NRBP1: variants seen among roughly 807,000 people sequenced by gnomAD.
The protein encoded by NRBP1 is nuclear receptor-binding protein.
In NRBP1, 10 loss-of-function variants were observed where a neutral mutation model predicts 76.0. The ratio of observed to expected loss-of-function variants is 0.13; its 90% CI spans 0.08 to 0.22. NRBP1 has a LOEUF of 0.22. Ranked by LOEUF, NRBP1 falls within the 10% of genes least tolerant of loss-of-function variation. The pLI, the probability that NRBP1 is intolerant of heterozygous loss-of-function variation, is 1.00. For missense variants in NRBP1, 344 were observed against 646.0 expected, an observed-to-expected ratio of 0.53 and a Z score of 5.07; for synonymous variants, 235 against 240.2, an observed-to-expected ratio of 0.98 and a Z score of 0.20.
chr2:27,441,096 T>G (rs760805226), intron 14 of NRBP1, 31 bp from the exon 15 acceptor site: 1 of 1,612,224 alleles, frequency 6.2e-7, no homozygotes. Flanking sequence ...TATGGACAGG[T>G]CTCTAGAGTG....
Position 27,439,777 on chromosome 2 carries a change from A to T in NRBP1, c.915A>T (p.Gln305His). ...GTTTCCTTTTCTAGGAGTTCATTCA[A>T]AAGTGCCTGCAGTCTGAGCCTGCTC... ...LEDPLQREFI[Q>H]KCLQSEPARR... is the part of the protein sequence containing the mutation. The change falls in exon 11 of 18, where the codon CAA (glutamine) becomes CAT (histidine). Residue 305 changes from glutamine (Q) to histidine (H), a missense_variant. This residue lies in a region of NRBP1 where 218 missense variants were observed against 309.8 expected (regional missense o/e 0.70). Transcript: ENST00000379852. The T allele has an allele frequency of 6.2e-7, 1 of 1,614,044 alleles. No individual in the cohort carries two copies.
Position 27,435,219 on chromosome 2 carries a change from T to C in NRBP1, c.653T>C (p.Ile218Thr). The change falls in exon 7 of 18, where the codon ATT becomes ACT. Residue 218 changes from isoleucine to threonine, a missense_variant. This residue lies in a region of NRBP1 where 73 missense variants were observed against 287.8 expected (regional missense o/e 0.25). Coordinates refer to ENST00000379852, the MANE Select transcript of NRBP1 (RefSeq NM_013392.4). The stretch of plus-strand genomic sequence containing the variant: ...ATCCAGCACAACGGACTCATCAAGA[T>C]TGGCTCTGGTGAGGGGAGGGAGAGG... ...IFIQHNGLIK[I>T]GSVAPDTINN... is the part of the protein sequence containing the mutation. 6.2e-7 allele frequency: 1 copy of C among 1,613,754 alleles called. No individual in the cohort carries two copies. The highest frequency in any genetic ancestry group is 8.5e-7 in the Non-Finnish European group (1 of 1,179,846).
chr2:27,436,987 T>TTCC, intron 8 of NRBP1, 60 bp from the exon 9 acceptor site: 1 of 1,516,720 alleles, frequency 6.6e-7, no homozygotes. Flanking sequence ...TCCTAAGGCA[T>TTCC]TCCTGCCAAC....
chr2:27,433,001 T>C lies in NRBP1; in HGVS notation c.-20-253T>C, dbSNP rs113041576. Among the ~76,000 whole-genome samples the C allele has an allele frequency of 1.6e-3, 247 of 152,276 alleles. 4 individuals are homozygous for C. The highest frequency in any genetic ancestry group is 5.6e-3 in the African/African-American group (232 of 41,556). ...TCAAAAAAATTCTCCTGCCTTAGTC[T>C]CCTGAGTAGCTAGGACTACAGGCAC... is the stretch of plus-strand genomic sequence containing the variant. On this transcript the variant is annotated intron_variant, in intron 1 of 17. Transcript: ENST00000379852.
chr2:27,437,500 C>T (rs1360547872), intron 10 of NRBP1, 140 bp downstream of exon 10: 3 of 658,278 alleles, frequency 4.6e-6, no homozygotes, highest in Non-Finnish European at 8.1e-6. Context: ...TAAACATTTT[C>T]TTAGGAGGTG....
At position 27,436,536 on chromosome 2, in the gene NRBP1, G is replaced by A. The variant is rs989367325; in HGVS notation, c.662-217G>A. 2.0e-5 allele frequency: 11 copies of A among 545,396 alleles called. No homozygotes were observed. The South Asian group carries it at 2.4e-4, about 12-fold the overall frequency. 33.8% of individuals were successfully genotyped at this position (545,396 alleles called of 1,614,324 possible). On this transcript the variant is annotated intron_variant, in intron 7 of 17. Coordinates refer to ENST00000379852, the MANE Select transcript of NRBP1 (RefSeq NM_013392.4). ...GGTGCTTTTGTTGCTCCTGATTTAG[G>A]GACATTAGATGAGAAGCAGTAGGCC...
rs1664209623 is a variant in NRBP1 at position 27,433,975 on chromosome 2, T to A, written c.334-14T>A. Reference sequence around the variant, plus strand: ...TTTGTGACTCTGTTATTCCACTGTCTCCCTTGCTTTCAGGAAAAGGTTCGT... The same window carrying A: ...TTTGTGACTCTGTTATTCCACTGTCACCCTTGCTTTCAGGAAAAGGTTCGT... On this transcript the variant is annotated splice_polypyrimidine_tract_variant and intron_variant, in intron 3 of 17. Coordinates refer to ENST00000379852, the MANE Select transcript of NRBP1 (RefSeq NM_013392.4). 6.2e-7 allele frequency: 1 copy of A among 1,610,716 alleles called. No homozygotes were observed. The highest frequency in any genetic ancestry group is 8.5e-7 in the Non-Finnish European group (1 of 1,177,188).
Position 27,441,241 on chromosome 2 carries a change from C to T in NRBP1, c.1384-26C>T, listed in dbSNP as rs776947094. 2.5e-6 allele frequency: 4 copies of T among 1,613,678 alleles called. No individual in the cohort carries two copies. In the East Asian group the frequency reaches 8.9e-5, roughly 36 times the overall value. ...GCCAGAGGGTAGGGAAGAAAAGTCT[C>T]ATTTTCTGACTGTCCTATTCTCCAG... On this transcript the variant is annotated intron_variant, in intron 15 of 17. Coordinates refer to ENST00000379852, the MANE Select transcript of NRBP1 (RefSeq NM_013392.4).
chr2:27,427,877 C>T (rs1162676331), upstream of NRBP1: 1 of 152,200 alleles, frequency 6.6e-6, no homozygotes, highest in Non-Finnish European at 1.5e-5. Flanking sequence ...AAGAATTTAT[C>T]ATCTTTTCTT....
Position 27,441,958 on chromosome 2 carries a change from C to G in NRBP1, c.*146C>G. 5 of 629,228 alleles carry G rather than the reference C, an allele frequency of 7.9e-6. No homozygotes were observed. Among genetic ancestry groups the G allele is most frequent in the Non-Finnish European group, 8.5e-6 (3 of 353,570 alleles). The allele number at this position is 629,228 out of a possible 1,614,324, so 39.0% of individuals were successfully genotyped here. A position where few individuals can be genotyped will look rare whatever the true frequency, so the allele number is the denominator to read the frequency against. On this transcript the variant is annotated 3_prime_UTR_variant, in exon 18 of 18. Transcript: ENST00000379852. ...GGAGGGCTGGGGGGGCTCCCTGGTT[C>G]TGAGCATCATCCTTTCCCCTCCCCT...
At chr2:27,431,141 A>T (rs1664097417) in intron 1 of NRBP1, among the ~76,000 whole-genome samples, 1 of 152,158 alleles carries the variant, frequency 6.6e-6, no homozygotes, top group Non-Finnish European at 1.5e-5. Context: ...TCTACTAAAA[A>T]TACAAAAAAT....
chr2:27,441,969 C>T lies in NRBP1; in HGVS notation c.*157C>T, dbSNP rs887126792. Reference sequence around the variant, plus strand: ...GGGGCTCCCTGGTTCTGAGCATCATCCTTTCCCCTCCCCTCTCTTCCTCCC... The same window carrying T: ...GGGGCTCCCTGGTTCTGAGCATCATTCTTTCCCCTCCCCTCTCTTCCTCCC... On this transcript the variant is annotated 3_prime_UTR_variant, in exon 18 of 18. Transcript: ENST00000379852. The T allele has an allele frequency of 1.6e-6, 1 of 609,914 alleles. No individual in the cohort carries two copies. The highest frequency in any genetic ancestry group is 3.0e-5 in the Admixed American group (1 of 33,528). The allele number at this position is 609,914 out of a possible 1,614,324, so 37.8% of individuals were successfully genotyped here.
chr2:27,437,694 A>G (rs996937827), intron 10 of NRBP1, among the ~76,000 whole-genome samples: 1 of 151,590 alleles, frequency 6.6e-6, no homozygotes, highest in African/African-American at 2.4e-5. Context: ...ACATGGTGAA[A>G]CCCTGTCTCT....
At chr2:27,439,620 G>A in intron 10 of NRBP1, 146 bp from the exon 11 acceptor site, 2 of 770,506 alleles carry the variant, frequency 2.6e-6, no homozygotes, top group African/African-American at 1.8e-5. Flanking sequence ...GCCCTTTCAG[G>A]TGCATTTTTC....
rs1249841775 is a variant in NRBP1, at chr2:27,441,272, A to G, written c.1389A>G (p.Thr463=). ...SVEEGVKHHL[T]LLLKLEDKLN... The stretch of plus-strand genomic sequence containing the variant: ...CTGACTGTCCTATTCTCCAGCTGAC[A>G]CTTCTGCTGAAGTTGGAGGACAAAC... The change falls in exon 16 of 18, where the codon ACA becomes ACG. Residue 463 remains threonine (T), a synonymous_variant. Transcript: ENST00000379852. The G allele has an allele frequency of 2.5e-6, 4 of 1,614,014 alleles. No homozygotes were observed. Among genetic ancestry groups the G allele is most frequent in the Admixed American group, 1.7e-5 (1 of 60,010 alleles).
At position 27,437,370 on chromosome 2, in the gene NRBP1, TTCAGGA is replaced by T. The variant is rs774134061; in HGVS notation, c.903+14_903+19del. 4.3e-5 allele frequency: 69 copies of T among 1,600,040 alleles called. 1 individual carries two copies. The South Asian group carries it at 7.5e-4, about 17-fold the overall frequency. On this transcript the variant is annotated intron_variant, in intron 10 of 17. Transcript: ENST00000379852. ...AGACCCATTACAGAGGGTAAGGATC[TTCAGGA>T]TCACTCCCTCCTCAACTGACCTTCA...
Position 27,441,944 on chromosome 2 carries a change from G to A in NRBP1, c.*132G>A, listed in dbSNP as rs552404679. On this transcript the variant is annotated 3_prime_UTR_variant, in exon 18 of 18. Transcript: ENST00000379852. ...TCCTTTATTATTCAGGAGGGCTGGG[G>A]GGGCTCCCTGGTTCTGAGCATCATC... The A allele has an allele frequency of 3.1e-6, 2 of 649,254 alleles. No homozygotes were observed. The highest frequency in any genetic ancestry group is 2.6e-5 in the East Asian group (1 of 39,090). The allele number at this position is 649,254 out of a possible 1,614,324, so 40.2% of individuals were successfully genotyped here.
Position 27,433,391 on chromosome 2 carries a change from G to A in NRBP1, c.118G>A (p.Ala40Thr). Residue 40 changes from alanine to threonine, a missense_variant, in exon 2 of 18, where the codon GCT (alanine) becomes ACT (threonine). This residue lies in a region of NRBP1 where 53 missense variants were observed against 48.4 expected (regional missense o/e 1.09). Coordinates refer to ENST00000379852, the MANE Select transcript of NRBP1 (RefSeq NM_013392.4). ...VSPPVTSTTS[A>T]ASPEEEEESE... Reference sequence around the variant, plus strand: ...ACCTCCTGTGACCTCCACAACCTCAGCTGCTTCCCCAGAGGAAGAAGAAGA... The same window carrying A: ...ACCTCCTGTGACCTCCACAACCTCAACTGCTTCCCCAGAGGAAGAAGAAGA... 6.2e-7 allele frequency: 1 copy of A among 1,614,220 alleles called. No homozygotes were observed. The highest frequency in any genetic ancestry group is 8.5e-7 in the Non-Finnish European group (1 of 1,180,038).
At chr2:27,429,066 C>T (rs1663993660) in intron 1 of NRBP1, 1 of 180,992 alleles carries the variant, frequency 5.5e-6, no homozygotes, top group Non-Finnish European at 1.1e-5. Context: ...GCGGCGGTCG[C>T]GGCCCGGCGG....
Sources: allele counts gnomAD v4.1 joint callset (sites outside exome capture counted in the v4.1 genomes callset), GRCh38; gene constraint gnomAD v4.1.1; regional missense constraint gnomAD v4.1.1; transcripts MANE v1.5; gene names NCBI Gene and HGNC (gene_info 2026-07-23, HGNC 2026-07-21).